HERC1: variants seen among roughly 807,000 people sequenced by gnomAD.
The protein encoded by HERC1 is probable E3 ubiquitin-protein ligase HERC1.
In HERC1, 160 loss-of-function variants were observed where a neutral mutation model predicts 554.3. The observed-to-expected ratio is 0.29, with a 90% CI of 0.25 to 0.33. HERC1 has a LOEUF of 0.33. Ranked by LOEUF, HERC1 falls within the 10% of genes least tolerant of loss-of-function variation. The pLI is 1.00. For synonymous variants in HERC1, 2,175 were observed against 2,131.7 expected, an observed-to-expected ratio of 1.02 and a Z score of -0.56; for missense variants, 4,919 against 5,918.5, an observed-to-expected ratio of 0.83 and a Z score of 5.54.
chr15:63,681,233 ACT>A (rs1383441631), intron 34 of HERC1, among the ~76,000 whole-genome samples: 1 of 151,984 alleles, frequency 6.6e-6, no homozygotes, highest in Admixed American at 6.6e-5. Flanking sequence ...ATGGGGTCTC[ACT>A]CTGTTTCCCA....
At chr15:63,712,726 T>C (rs2073364696) in intron 24 of HERC1, 49 bp downstream of exon 24, 2 of 1,580,492 alleles carry the variant, frequency 1.3e-6, no homozygotes, top group Non-Finnish European at 1.7e-6. Context: ...TTACATATCA[T>C]ATACCTTGAA....
intron 24 of HERC1, among the ~76,000 whole-genome samples, chr15:63,707,961 T>G (rs1174892104): frequency 2.2e-5 from 3 of 138,316 alleles, no homozygotes; most frequent in African/African-American, 8.2e-5. Flanking sequence ...AAAGAAGAAG[T>G]GACAAAACAG....
Position 63,758,574 on chromosome 15 carries a change from G to A in HERC1, c.1027-205C>T, listed in dbSNP as rs933978485. Among the ~76,000 whole-genome samples the A allele has an allele frequency of 3.2e-4, 49 of 152,070 alleles. 1 individual carries two copies. The highest frequency in any genetic ancestry group is 1.9e-4 in the East Asian group (1 of 5,204). ...TAATGAAGTGGCAAAAGTGGGAAAC[G>A]GGAGACACACAATCCTTTAGCTAAA... On this transcript the variant is annotated intron_variant, in intron 3 of 77. Transcript: ENST00000443617. This position sits in a 1 kb window ranked among gnomAD's most constrained non-coding sequence, Gnocchi z 4.0.
chr15:63,815,728 A>G (rs962074723), intron 1 of HERC1, among the ~76,000 whole-genome samples: 3 of 151,982 alleles, frequency 2.0e-5, no homozygotes, highest in African/African-American at 7.2e-5. Context: ...CTAACCTAAC[A>G]TGTTAGTCCG....
At chr15:63,827,844 T>C (rs979143759) in intron 1 of HERC1, among the ~76,000 whole-genome samples, 1 of 152,314 alleles carries the variant, frequency 6.6e-6, no homozygotes, top group East Asian at 1.9e-4. Context: ...ACAACATGGA[T>C]GAACCTTGAC....
At chr15:63,619,993 T>C (rs1164177321) in intron 74 of HERC1, among the ~76,000 whole-genome samples, 1 of 152,216 alleles carries the variant, frequency 6.6e-6, no homozygotes, top group African/African-American at 2.4e-5. Flanking sequence ...CTCTATCTCC[T>C]TCAGTTCTGC....
chr15:63,712,744 A>G (rs1349246373), intron 24 of HERC1, 31 bp downstream of exon 24: 7 of 1,602,302 alleles, frequency 4.4e-6, no homozygotes, highest in Non-Finnish European at 6.0e-6. Context: ...GAAAACAAAA[A>G]TCTTTCTTTA....
chr15:63,793,836 G>T lies in HERC1; in HGVS notation c.-26-18187C>A, dbSNP rs149066495. Among the ~76,000 whole-genome samples the T allele has an allele frequency of 2.7e-3, 410 of 152,270 alleles. 1 individual carries two copies. The highest frequency in any genetic ancestry group is 9.3e-3 in the African/African-American group (385 of 41,558). On this transcript the variant is annotated intron_variant, in intron 1 of 77. Coordinates refer to ENST00000443617, the MANE Select transcript of HERC1 (RefSeq NM_003922.4). Reference sequence around the variant, plus strand: ...ACCAAAGCAACTCCACCTTGAGTAGGAGCTGGGTAAAATGAGGCTGAGACC... The same window carrying T: ...ACCAAAGCAACTCCACCTTGAGTAGTAGCTGGGTAAAATGAGGCTGAGACC...
At position 63,756,030 on chromosome 15, in the gene HERC1, T is replaced by C. The variant is rs2075410887; in HGVS notation, c.1533+407A>G. ...TTATTGCTCATTTTTTTCTTTAATA[T>C]TATCTGAAATTATTCTATATGCTTG... is the stretch of plus-strand genomic sequence containing the variant. On this transcript the variant is annotated intron_variant, in intron 5 of 77. Coordinates refer to ENST00000443617, the MANE Select transcript of HERC1 (RefSeq NM_003922.4). This position sits in a 1 kb window ranked among gnomAD's most constrained non-coding sequence, Gnocchi z 5.0. Among the ~76,000 whole-genome samples the C allele has an allele frequency of 6.6e-6, 1 of 152,192 alleles. No homozygotes were observed. The highest frequency in any genetic ancestry group is 2.4e-5 in the African/African-American group (1 of 41,442).
In HERC1 at chr15:63,756,514, C is replaced by T; in HGVS notation, c.1456G>A (p.Asp486Asn). Residue 486 changes from aspartate (D) to asparagine (N), a missense_variant, in exon 5 of 78, where the codon GAT (aspartate) becomes AAT (asparagine). Physicochemically the swap from Asp to Asn is conservative, Grantham distance 23. This residue lies in a region of HERC1 where 744 missense variants were observed against 1,090.0 expected (regional missense o/e 0.68). Transcript: ENST00000443617. The surrounding 1 kb of genome is among the most constrained non-coding windows in gnomAD (Gnocchi z 5.0). Reference protein sequence around the residue: ...EGEVFSWGDGDYGKLGHGNSS... With the variant: ...EGEVFSWGDGNYGKLGHGNSS... ...TTTCCATGCCCCAGTTTCCCATAAT[C>T]ACCATCTCCCCAACTGAAGACTTCT... The T allele has an allele frequency of 6.2e-7, 1 of 1,613,954 alleles. No individual in the cohort carries two copies. The highest frequency in any genetic ancestry group is 8.5e-7 in the Non-Finnish European group (1 of 1,179,848).
In HERC1 at chr15:63,775,972, A is replaced by T. The variant is rs188600212; in HGVS notation, c.-26-323T>A. Among the ~76,000 whole-genome samples, 960 of 149,498 alleles carry T rather than the reference A, an allele frequency of 6.4e-3. 12 individuals are homozygous for T. Among genetic ancestry groups the T allele is most frequent in the Non-Finnish European group, 0.01 (687 of 67,604 alleles). ...AGAATCGCTTGAACCTGGGAGGCGGAGGTTGCAGTGAGCCGAGATCGCGCC... is the reference window on the plus strand; with the variant it reads ...AGAATCGCTTGAACCTGGGAGGCGGTGGTTGCAGTGAGCCGAGATCGCGCC... On this transcript the variant is annotated intron_variant, in intron 1 of 77. Transcript: ENST00000443617. This position sits in a 1 kb window ranked among gnomAD's most constrained non-coding sequence, Gnocchi z 4.0.
At chr15:63,638,860 T>G (rs2068903295) in intron 61 of HERC1, 84 bp from the exon 62 acceptor site, 2 of 909,460 alleles carry the variant, frequency 2.2e-6, no homozygotes, top group South Asian at 1.4e-5. Context: ...TTCTAATCAT[T>G]AAGTCTTATT....
intron 70 of HERC1, among the ~76,000 whole-genome samples, chr15:63,627,123 T>C (rs544882802): frequency 3.7e-4 from 57 of 152,288 alleles, no homozygotes; most frequent in Non-Finnish European, 5.9e-5. Flanking sequence ...TGTCAGTGCG[T>C]AGGCAGCTCT....
rs1200639350 is a variant in HERC1 at position 63,725,334 on chromosome 15, G to A, written c.3526C>T (p.Pro1176Ser). ...EQDTAYWMKT[P>S]LFSDGVEMDT... ...ATTTCTACACCGTCACTGAACAGTG[G>A]CGTTTTCATCCAATATGCAGTGTCC... Residue 1176 changes from proline (P) to serine (S), a missense_variant, in exon 18 of 78, where the codon CCA (proline) becomes TCA (serine). By Grantham distance (74) the Pro-to-Ser change is moderately conservative. Coordinates refer to ENST00000443617, the MANE Select transcript of HERC1 (RefSeq NM_003922.4). The A allele has an allele frequency of 6.2e-7, 1 of 1,613,760 alleles. No individual in the cohort carries two copies. Among genetic ancestry groups the A allele is most frequent in the Non-Finnish European group, 8.5e-7 (1 of 1,179,856 alleles).
chr15:63,631,200 A>G (rs910273361), intron 68 of HERC1, among the ~76,000 whole-genome samples: 2 of 152,126 alleles, frequency 1.3e-5, no homozygotes, highest in African/African-American at 4.8e-5. Context: ...CTTGTCCTCA[A>G]ACTTCCAACC....
chr15:63,675,744 AT>A (rs1244015621), intron 37 of HERC1, among the ~76,000 whole-genome samples: 1 of 152,208 alleles, frequency 6.6e-6, no homozygotes, highest in East Asian at 1.9e-4. Context: ...AAGTTTAAGA[AT>A]GATATAATTA....
intron 14 of HERC1, among the ~76,000 whole-genome samples, chr15:63,731,970 G>C (rs1028350320): frequency 3.3e-5 from 5 of 152,168 alleles, no homozygotes; most frequent in Admixed American, 6.5e-5. Flanking sequence ...AATGGTGTGT[G>C]AGCCGATGAT....
chr15:63,691,300 T>C (rs2153040877), intron 31 of HERC1, among the ~76,000 whole-genome samples: 1 of 152,052 alleles, frequency 6.6e-6, no homozygotes, highest in South Asian at 2.1e-4. Context: ...ACCCTGCCTT[T>C]ACTAAAAATA....
intron 1 of HERC1, among the ~76,000 whole-genome samples, chr15:63,788,450 A>G (rs2076524988): frequency 6.6e-6 from 1 of 152,268 alleles, no homozygotes; most frequent in African/African-American, 2.4e-5. Flanking sequence ...TGACTTCAAC[A>G]GACAATTCCT....
Sources: gnomAD v4.1 joint callset for allele counts (sites outside exome capture counted in the v4.1 genomes callset) on GRCh38, gnomAD v4.1.1 for gene constraint, gnomAD v4.1.1 regional missense constraint, Gnocchi (gnomAD v3.1) non-coding constraint, MANE v1.5 for transcripts, NCBI Gene and HGNC (gene_info 2026-07-23, HGNC 2026-07-21) for gene names.